The following LRP1B variants were observed in gnomAD, a reference collection of about 807,000 sequenced individuals.
The protein encoded by LRP1B is low-density lipoprotein receptor-related protein 1B.
In LRP1B, 217 loss-of-function variants were observed where a neutral mutation model predicts 556.6. The observed-to-expected ratio is 0.39, with a 90% CI of 0.35 to 0.44. The LOEUF is 0.44. Among genes scored for constraint, LRP1B ranks in the 20% least tolerant of loss-of-function variants. The pLI is 1.00. For synonymous variants in LRP1B, 2,047 were observed against 1,865.8 expected, an observed-to-expected ratio of 1.10 and a Z score of -2.50; for missense variants, 5,053 against 5,620.8, an observed-to-expected ratio of 0.90 and a Z score of 3.23.
chr2:141,678,632 AC>A (rs1690979517), intron 2 of LRP1B, among the ~76,000 whole-genome samples: 1 of 152,182 alleles, frequency 6.6e-6, no homozygotes, highest in Non-Finnish European at 1.5e-5. Flanking sequence ...TATAAAACTA[AC>A]AAAAATTAGT....
intron 3 of LRP1B, 100 bp downstream of exon 3, chr2:141,480,296 C>A: frequency 8.2e-7 from 1 of 1,223,254 alleles, no homozygotes; most frequent in Non-Finnish European, 1.2e-6. Context: ...AACTGATATG[C>A]TTGTAGTTGA....
intron 5 of LRP1B, among the ~76,000 whole-genome samples, chr2:141,233,483 A>G (rs970082589): frequency 1.3e-5 from 2 of 152,308 alleles, no homozygotes; most frequent in Non-Finnish European, 1.5e-5. Flanking sequence ...TAGTGTCACA[A>G]CCTTTGAAGA....
intron 87 of LRP1B, among the ~76,000 whole-genome samples, chr2:140,244,495 G>A (rs1396644653): frequency 1.3e-5 from 2 of 151,204 alleles, no homozygotes. Flanking sequence ...AAAATTTTAT[G>A]TAAATTTAAA....
intron 1 of LRP1B, among the ~76,000 whole-genome samples, chr2:142,068,575 G>T (rs928509947): frequency 6.7e-5 from 10 of 149,812 alleles, no homozygotes; most frequent in African/African-American, 2.5e-4. Flanking sequence ...CCCTTGTATT[G>T]ATGATATTTT....
chr2:140,323,754 A>C (rs1680294434), intron 81 of LRP1B, 139 bp downstream of exon 81: 2 of 419,202 alleles, frequency 4.8e-6, no homozygotes, highest in East Asian at 7.2e-5. Flanking sequence ...GAAAAAGTCT[A>C]GTGACATCAA....
intron 41 of LRP1B, among the ~76,000 whole-genome samples, chr2:140,622,746 C>T (rs1270414175): frequency 6.6e-6 from 1 of 152,120 alleles, no homozygotes; most frequent in Non-Finnish European, 1.5e-5. Flanking sequence ...GAATGAATGG[C>T]AGAATGGCTC....
chr2:140,814,684 C>A lies in LRP1B; in HGVS notation c.5210-878G>T, dbSNP rs541050938. ...AAATCCAAAAATGGAAGATTTTCAG[C>A]AAATAGTAATTTTACCAAAGTACAG... On this transcript the variant is annotated intron_variant, in intron 31 of 90. Transcript: ENST00000389484. Among the ~76,000 whole-genome samples the A allele has an allele frequency of 1.1e-4, 16 of 152,194 alleles. No individual in the cohort carries two copies. In the East Asian group the frequency reaches 1.9e-3, roughly 18 times the overall value.
chr2:140,884,048 G>C (rs779208355), intron 24 of LRP1B, 27 bp from the exon 25 acceptor site: 29 of 1,598,962 alleles, frequency 1.8e-5, no homozygotes, highest in Middle Eastern at 2.2e-4. Flanking sequence ...ACCAACATGT[G>C]CACCCATTCA....
chr2:140,600,955 C>T (rs1682642439), intron 42 of LRP1B, among the ~76,000 whole-genome samples: 1 of 151,360 alleles, frequency 6.6e-6, no homozygotes, highest in African/African-American at 2.4e-5. Flanking sequence ...CTGTAGACTA[C>T]TTAGACTATT....
chr2:141,098,320 C>T (rs1003252776), intron 7 of LRP1B, among the ~76,000 whole-genome samples: 2 of 152,146 alleles, frequency 1.3e-5, no homozygotes, highest in African/African-American at 4.8e-5. Flanking sequence ...ACAGCATATT[C>T]AATTATACCC....
intron 14 of LRP1B, among the ~76,000 whole-genome samples, chr2:141,012,500 A>G (rs182794237): frequency 6.6e-6 from 1 of 152,000 alleles, no homozygotes; most frequent in Non-Finnish European, 1.5e-5. Context: ...CCAGGCAATT[A>G]TCTCTATTCC....
chr2:140,255,808 A>G (rs1250232686), intron 86 of LRP1B, among the ~76,000 whole-genome samples: 2 of 152,198 alleles, frequency 1.3e-5, no homozygotes, highest in Admixed American at 1.3e-4. Context: ...CTAATTATCA[A>G]TCAGTCATTT....
At chr2:141,321,910 C>T (rs1420339222) in intron 3 of LRP1B, among the ~76,000 whole-genome samples, 4 of 152,024 alleles carry the variant, frequency 2.6e-5, no homozygotes, top group Admixed American at 2.0e-4. Flanking sequence ...AGTTAAGTGA[C>T]TTGTTCAAAG....
chr2:141,916,780 G>A (rs371518125), intron 1 of LRP1B, among the ~76,000 whole-genome samples: 1 of 152,068 alleles, frequency 6.6e-6, no homozygotes, highest in Non-Finnish European at 1.5e-5. Context: ...TGGGAAGGGA[G>A]AGAGGACGGA....
intron 2 of LRP1B, among the ~76,000 whole-genome samples, chr2:141,702,013 A>G (rs1041643557): frequency 2.6e-5 from 4 of 151,954 alleles, no homozygotes; most frequent in Non-Finnish European, 5.9e-5. Context: ...CAAATGCCAA[A>G]CAACCACAGA....
intron 2 of LRP1B, among the ~76,000 whole-genome samples, chr2:141,702,948 G>A (rs939797990): frequency 1.3e-5 from 2 of 151,818 alleles, no homozygotes; most frequent in Non-Finnish European, 2.9e-5. Context: ...TTACATAAGT[G>A]AGCTCATTAA....
intron 2 of LRP1B, among the ~76,000 whole-genome samples, chr2:141,589,573 C>T (rs892890340): frequency 3.9e-5 from 6 of 152,096 alleles, no homozygotes; most frequent in African/African-American, 1.4e-4. Flanking sequence ...GGTTTGGTAA[C>T]CAAATAACAC....
chr2:141,625,019 C>G (rs1196151098), intron 2 of LRP1B, among the ~76,000 whole-genome samples: 1 of 152,174 alleles, frequency 6.6e-6, no homozygotes, highest in Non-Finnish European at 1.5e-5. Flanking sequence ...CCGCCCGCCT[C>G]AGCCTCCCAA....
At chr2:141,739,913 C>CTA (rs1441868124) in intron 2 of LRP1B, among the ~76,000 whole-genome samples, 1 of 151,904 alleles carries the variant, frequency 6.6e-6, no homozygotes, top group Non-Finnish European at 1.5e-5. Flanking sequence ...AGATTAAATA[C>CTA]TATATATCAA....
Sources: allele counts gnomAD v4.1 joint callset (sites outside exome capture counted in the v4.1 genomes callset), GRCh38; gene constraint gnomAD v4.1.1; transcripts MANE v1.5; gene names NCBI Gene and HGNC (gene_info 2026-07-23, HGNC 2026-07-21).